ARHGAP39: variants seen among roughly 807,000 people sequenced by gnomAD.
ARHGAP39 encodes the protein Rho GTPase activating protein 39.
ARHGAP39 carries 44 observed loss-of-function variants against 106.9 expected under a neutral mutation model. The ratio of observed to expected loss-of-function variants is 0.41; its 90% CI spans 0.32 to 0.53. ARHGAP39 has a LOEUF of 0.53. ARHGAP39 is among the 20% of genes least tolerant of loss of function. The probability of loss-of-function intolerance (pLI) is 0.21; values close to 1 mark genes in which losing one functional copy is unlikely to be tolerated. For missense variants in ARHGAP39, 1,496 were observed against 1,577.3 expected (o/e 0.95, Z 0.87); for synonymous variants, 768 against 693.2 (o/e 1.11, Z -1.69).
At chr8:144,535,521 T>A (rs2130821026) in intron 7 of ARHGAP39, among the ~76,000 whole-genome samples, 1 of 152,278 alleles carries the variant, frequency 6.6e-6, no homozygotes, top group East Asian at 1.9e-4. Context: ...CTTCAGAGCC[T>A]CAAGAAGGCA....
At chr8:144,565,034 C>T (rs562262615) in intron 3 of ARHGAP39, among the ~76,000 whole-genome samples, 61 of 151,950 alleles carry the variant, frequency 4.0e-4, no homozygotes, top group Admixed American at 1.4e-3. Context: ...CGCTTGAACC[C>T]GGGAGGCAGA....
chr8:144,543,545 C>T (rs2130834509), intron 6 of ARHGAP39, among the ~76,000 whole-genome samples: 1 of 152,318 alleles, frequency 6.6e-6, no homozygotes, highest in Non-Finnish European at 1.5e-5. Context: ...TGCACAGAGC[C>T]CCAGCCCCGC....
At chr8:144,593,197 C>T (rs1586588930) in intron 2 of ARHGAP39, among the ~76,000 whole-genome samples, 1 of 152,144 alleles carries the variant, frequency 6.6e-6, no homozygotes, top group Admixed American at 6.5e-5. Flanking sequence ...AGCGATCAGC[C>T]CACATAAGCC....
chr8:144,573,756 A>G (rs1474604591), intron 3 of ARHGAP39, among the ~76,000 whole-genome samples: 1 of 152,262 alleles, frequency 6.6e-6, no homozygotes, highest in Non-Finnish European at 1.5e-5. Context: ...TAGCCCACAA[A>G]GCAAGTCTCA....
At chr8:144,620,266 C>T (rs1369892098) in intron 1 of ARHGAP39, among the ~76,000 whole-genome samples, 11 of 129,512 alleles carry the variant, frequency 8.5e-5, no homozygotes, top group South Asian at 2.9e-4. Context: ...TCCAAGGGAG[C>T]GTGTGTGCCC....
chr8:144,619,426 G>T (rs897257609), intron 1 of ARHGAP39, among the ~76,000 whole-genome samples: 2 of 151,766 alleles, frequency 1.3e-5, no homozygotes, highest in Non-Finnish European at 2.9e-5. Flanking sequence ...GCGTGAGCCC[G>T]TGTGTCCCTG....
intron 1 of ARHGAP39, among the ~76,000 whole-genome samples, chr8:144,651,328 G>A (rs1821568251): frequency 6.6e-6 from 1 of 152,094 alleles, no homozygotes; most frequent in Non-Finnish European, 1.5e-5. Context: ...TGGCCATAAT[G>A]TACAAAGAAA....
At chr8:144,688,105 CTTTT>C (rs201473241), upstream of ARHGAP39, among the ~76,000 whole-genome samples, 1 of 140,234 alleles carries the variant, frequency 7.1e-6, no homozygotes, top group African/African-American at 2.7e-5. Context: ...ACATTTAACT[CTTTT>C]TTTTTTTTTT....
intron 6 of ARHGAP39, chr8:144,543,876 C>T (rs1246961810): frequency 6.6e-6 from 1 of 152,284 alleles, no homozygotes; most frequent in Non-Finnish European, 1.5e-5. Context: ...CACTTGCCTA[C>T]TCTCGGGGGT....
chr8:144,675,479 G>GT (rs1175148348), intron 1 of ARHGAP39, among the ~76,000 whole-genome samples: 1 of 152,222 alleles, frequency 6.6e-6, no homozygotes, highest in African/African-American at 2.4e-5. Flanking sequence ...GACTTCAGGA[G>GT]TGAAACTGCA....
chr8:144,604,865 G>A lies in ARHGAP39; in HGVS notation c.80+670C>T, dbSNP rs912519809. Among the ~76,000 whole-genome samples the A allele has an allele frequency of 1.3e-5, 2 of 152,260 alleles. No homozygotes were observed. Among genetic ancestry groups the A allele is most frequent in the African/African-American group, 2.4e-5 (1 of 41,472 alleles). On this transcript the variant is annotated intron_variant, in intron 2 of 11. Transcript: ENST00000377307. The surrounding 1 kb of genome is among the most constrained non-coding windows in gnomAD (Gnocchi z 4.1). ...CCAAAAGCATTCAGAGGCGACGGGA[G>A]CAATGCTAGCCACAGGGTCTCTGGG... is the stretch of plus-strand genomic sequence containing the variant.
chr8:144,671,939 G>A lies in ARHGAP39; in HGVS notation c.-82+13747C>T, dbSNP rs1484469044. Among the ~76,000 whole-genome samples, 1 of 152,248 alleles carries A rather than the reference G, an allele frequency of 6.6e-6. No homozygotes were observed. Among genetic ancestry groups the A allele is most frequent in the East Asian group, 1.9e-4 (1 of 5,188 alleles). ...AAGACCAGGTGTGAGAGCCCTGCCA[G>A]AGCAATGGAGACAGGCTCCGCCCAA... On this transcript the variant is annotated intron_variant, in intron 1 of 11. Transcript: ENST00000377307. The surrounding 1 kb of genome is among the most constrained non-coding windows in gnomAD (Gnocchi z 4.5).
chr8:144,629,214 CCTTTTCCCAGTCACCA>C, intron 1 of ARHGAP39, among the ~76,000 whole-genome samples: 1 of 152,336 alleles, frequency 6.6e-6, no homozygotes, highest in East Asian at 1.9e-4. Context: ...AAGGTTTTTC[CCTTTTCCCAGTCACCA>C]CTCACCCTGC....
intron 3 of ARHGAP39, among the ~76,000 whole-genome samples, chr8:144,573,952 C>T (rs1818674058): frequency 6.6e-6 from 1 of 151,856 alleles, no homozygotes; most frequent in African/African-American, 2.4e-5. Context: ...GCAGGCAGAT[C>T]ACTTGAGACC....
At chr8:144,618,561 C>T (rs936773759) in intron 1 of ARHGAP39, among the ~76,000 whole-genome samples, 43 of 152,354 alleles carry the variant, frequency 2.8e-4, no homozygotes, top group African/African-American at 9.6e-4. Flanking sequence ...TTGTGGTGGG[C>T]GCGAGCAGGC....
In ARHGAP39 at chr8:144,547,671, G is replaced by A. The variant is rs765408549; in HGVS notation, c.1415C>T (p.Ala472Val). ...GTCCTGCTGGCTGGACCAGGACATG[G>A]CATCCTCCTGGGCCTGTGGCAGCGG... ...PTPLPQAQED[A>V]MSWSSQQDTL... The change falls in exon 5 of 12, where the codon GCC becomes GTC. Residue 472 changes from alanine (A) to valine (V), a missense_variant. Physicochemically the swap from Ala to Val is moderately conservative, Grantham distance 64. Transcript: ENST00000377307. The surrounding 1 kb of genome is among the most constrained non-coding windows in gnomAD (Gnocchi z 5.2). 11 of 1,564,756 alleles carry A rather than the reference G, an allele frequency of 7.0e-6. No individual in the cohort carries two copies. The highest frequency in any genetic ancestry group is 6.0e-6 in the Non-Finnish European group (7 of 1,159,846).
chr8:144,568,720 G>A (rs1007782283), intron 3 of ARHGAP39, among the ~76,000 whole-genome samples: 2 of 152,050 alleles, frequency 1.3e-5, no homozygotes, highest in East Asian at 3.8e-4. Flanking sequence ...TTTATGAAGC[G>A]GGATAATATC....
chr8:144,595,688 C>T (rs1025754897), intron 2 of ARHGAP39, among the ~76,000 whole-genome samples: 1 of 152,090 alleles, frequency 6.6e-6, no homozygotes. Context: ...AGAGGCTGAA[C>T]GGGGCCACCA....
At position 144,607,885 on chromosome 8, in the gene ARHGAP39, G is replaced by A. The variant is rs555196725; in HGVS notation, c.-81-2190C>T. Among the ~76,000 whole-genome samples, 164 of 152,236 alleles carry A rather than the reference G, an allele frequency of 1.1e-3. 1 individual carries two copies. Among genetic ancestry groups the A allele is most frequent in the Non-Finnish European group, 9.1e-4 (62 of 68,014 alleles). On this transcript the variant is annotated intron_variant, in intron 1 of 11. Coordinates refer to ENST00000377307, the MANE Select transcript of ARHGAP39 (RefSeq NM_025251.3). ...TAAAAATGAAACTCAGGCCGGGCGC[G>A]GTGGCTCATGCCTATAATCCCAGCA...
Sources: gnomAD v4.1 joint callset for allele counts (sites outside exome capture counted in the v4.1 genomes callset) on GRCh38, gnomAD v4.1.1 for gene constraint, Gnocchi (gnomAD v3.1) non-coding constraint, MANE v1.5 for transcripts, NCBI Gene and HGNC (gene_info 2026-07-23, HGNC 2026-07-21) for gene names.